KDM5A: variants seen among roughly 807,000 people sequenced by gnomAD.
The protein encoded by KDM5A is lysine-specific demethylase 5A.
In KDM5A, 42 loss-of-function variants were observed where a neutral mutation model predicts 193.5. That is an observed-to-expected ratio of 0.22 (90% CI 0.17 to 0.28). The LOEUF (loss-of-function observed/expected upper bound fraction) is 0.28, where lower values mean the gene tolerates loss of function less well. Ranked by LOEUF, KDM5A falls within the 10% of genes least tolerant of loss-of-function variation. The pLI is 1.00. For missense variants in KDM5A, 1,692 were observed against 2,055.1 expected, an observed-to-expected ratio of 0.82 and a Z score of 3.42; for synonymous variants, 796 against 718.1, an observed-to-expected ratio of 1.11 and a Z score of -1.73.
At chr12:374,635 T>C (rs1944477424) in intron 3 of KDM5A, among the ~76,000 whole-genome samples, 2 of 152,220 alleles carry the variant, frequency 1.3e-5, no homozygotes, top group South Asian at 2.1e-4. Context: ...GCTGATTATT[T>C]TGCTCGTTAG....
chr12:347,112 T>C (rs533211837), intron 10 of KDM5A, among the ~76,000 whole-genome samples: 28 of 152,014 alleles, frequency 1.8e-4, no homozygotes, highest in African/African-American at 6.7e-4. Flanking sequence ...AGCATTCTTA[T>C]ATATCATTAA....
intron 20 of KDM5A, among the ~76,000 whole-genome samples, chr12:312,401 A>C (rs1175832332): frequency 6.6e-6 from 1 of 152,196 alleles, no homozygotes; most frequent in Non-Finnish European, 1.5e-5. Context: ...TGTTAATTTC[A>C]TTTTATTTTT....
chr12:295,324 AAAAGAAAAAGAGAAAGAGAGAG>A (rs1943356095), intron 26 of KDM5A, among the ~76,000 whole-genome samples: 1 of 152,022 alleles, frequency 6.6e-6, no homozygotes, highest in Non-Finnish European at 1.5e-5. Flanking sequence ...AAAAGAAAGA[AAAAGAAAAAGAGAAAGAGAGAG>A]AAAGAAAGAG....
At chr12:354,980 G>A (rs750188758) in intron 7 of KDM5A, among the ~76,000 whole-genome samples, 178 bp downstream of exon 7, 9 of 152,140 alleles carry the variant, frequency 5.9e-5, no homozygotes, top group Non-Finnish European at 1.3e-4. Context: ...AGCAGCCTAC[G>A]TATGTAGGAC....
intron 3 of KDM5A, among the ~76,000 whole-genome samples, chr12:379,063 T>G (rs1944543549): frequency 6.6e-6 from 1 of 151,996 alleles, no homozygotes; most frequent in Non-Finnish European, 1.5e-5. Context: ...AAAGATGAAG[T>G]GATTTAATCA....
At chr12:362,649 A>G (rs1944306493) in intron 5 of KDM5A, among the ~76,000 whole-genome samples, 1 of 152,234 alleles carries the variant, frequency 6.6e-6, no homozygotes, top group African/African-American at 2.4e-5. Flanking sequence ...AACTTTCTAA[A>G]TCAAATTACG....
chr12:318,205 G>A lies in KDM5A; in HGVS notation c.2798C>T (p.Ala933Val), dbSNP rs1428104219. ...TGCTTTCTCCACAGCATGGTGGGGT[G>A]CCAACCCTACCCCAGAGTCTATCAG... is the stretch of plus-strand genomic sequence containing the variant. ...KKLIDSGVGL[A>V]PHHAVEKAMA... The change falls in exon 19 of 28, where the codon GCA (alanine) becomes GTA (valine). Residue 933 changes from alanine to valine, a missense_variant. Ala to Val is a moderately conservative substitution (Grantham distance 64, BLOSUM62 0). Around this residue, in one of 11 missense-constraint regions of KDM5A, gnomAD observed 965 missense variants for 1,061.0 expected, o/e 0.91. Coordinates refer to ENST00000399788, the MANE Select transcript of KDM5A (RefSeq NM_001042603.3). The A allele has an allele frequency of 6.2e-7, 1 of 1,613,930 alleles. No homozygotes were observed. Among genetic ancestry groups the A allele is most frequent in the Admixed American group, 1.7e-5 (1 of 60,018 alleles).
intron 10 of KDM5A, among the ~76,000 whole-genome samples, chr12:339,312 A>G (rs971320897): frequency 2.6e-5 from 4 of 152,208 alleles, no homozygotes; most frequent in African/African-American, 7.2e-5. Context: ...TACCAGAGTA[A>G]CTTTCAGAGA....
Position 285,153 on chromosome 12 carries a change from TTAATAC to T in KDM5A, c.*297_*302del. On this transcript the variant is annotated 3_prime_UTR_variant, in exon 28 of 28. Coordinates refer to ENST00000399788, the MANE Select transcript of KDM5A (RefSeq NM_001042603.3). Reference sequence around the variant, plus strand: ...TATGCCCTGTTAGCACACCAATGTATTAATACTAACCAGCCACCCTAGAGCTCAATT... The same window carrying T: ...TATGCCCTGTTAGCACACCAATGTATTAACCAGCCACCCTAGAGCTCAATT... 2.1e-6 allele frequency: 1 copy of T among 475,112 alleles called. No homozygotes were observed. The highest frequency in any genetic ancestry group is 3.6e-5 in the East Asian group (1 of 27,914). 29.4% of individuals were successfully genotyped at this position (475,112 alleles called of 1,614,324 possible). A position where few individuals can be genotyped will look rare whatever the true frequency, so the allele number is the denominator to read the frequency against.
At chr12:369,819 G>A (rs1944403734) in intron 3 of KDM5A, among the ~76,000 whole-genome samples, 1 of 152,122 alleles carries the variant, frequency 6.6e-6, no homozygotes, top group Non-Finnish European at 1.5e-5. Flanking sequence ...TAATCACTCT[G>A]ACATAATAAT....
At chr12:331,451 C>T (rs1943864919) in intron 13 of KDM5A, among the ~76,000 whole-genome samples, 2 of 152,080 alleles carry the variant, frequency 1.3e-5, no homozygotes, top group Non-Finnish European at 2.9e-5. Context: ...CAGTCTCTCT[C>T]TTCTGAGCAT....
intron 10 of KDM5A, among the ~76,000 whole-genome samples, chr12:345,108 G>C (rs935157884): frequency 6.6e-6 from 1 of 151,928 alleles, no homozygotes; most frequent in Admixed American, 6.6e-5. Flanking sequence ...AAAAAAGCAC[G>C]GGTTGCAATC....
At chr12:365,857 G>T (rs1489473227) in intron 4 of KDM5A, 77 bp downstream of exon 4, 1 of 1,471,340 alleles carries the variant, frequency 6.8e-7, no homozygotes, top group Non-Finnish European at 9.5e-7. Flanking sequence ...TGCTAACTTG[G>T]GTTAAACACA....
intron 1 of KDM5A, among the ~76,000 whole-genome samples, chr12:386,918 A>G (rs1944643894): frequency 6.6e-6 from 1 of 152,202 alleles, no homozygotes; most frequent in African/African-American, 2.4e-5. Context: ...CAAAAAAAAA[A>G]AACTTGTGTT....
At chr12:321,733 A>G (rs976565924) in intron 17 of KDM5A, among the ~76,000 whole-genome samples, 1 of 152,264 alleles carries the variant, frequency 6.6e-6, no homozygotes, top group African/African-American at 2.4e-5. Flanking sequence ...TTTAATACTT[A>G]TGAATTCTAT....
intron 27 of KDM5A, 82 bp downstream of exon 27, chr12:292,677 C>T (rs1356136330): frequency 9.7e-6 from 15 of 1,547,086 alleles, no homozygotes; most frequent in Middle Eastern, 1.7e-4. Context: ...CAAAAACATA[C>T]TACACATTGA....
intron 19 of KDM5A, among the ~76,000 whole-genome samples, chr12:313,751 A>G (rs1420810302): frequency 6.6e-6 from 1 of 152,238 alleles, no homozygotes; most frequent in Non-Finnish European, 1.5e-5. Flanking sequence ...TTATGCTTCT[A>G]CTGGGAACTA....
rs1389763568 is a variant in KDM5A at position 280,739 on chromosome 12, C to T, written c.*4717G>A. On this transcript the variant is annotated 3_prime_UTR_variant, in exon 28 of 28. Coordinates refer to ENST00000399788, the MANE Select transcript of KDM5A (RefSeq NM_001042603.3). ...TAATGGTTTGTTGCAAAGGGATAAA[C>T]TTCTCAAGAACCAAAAGTGAGGAAA... 8.6e-6 allele frequency: 2 copies of T among 232,912 alleles called. No individual in the cohort carries two copies. The highest frequency in any genetic ancestry group is 4.4e-5 in the African/African-American group (2 of 45,312). The allele number at this position is 232,912 out of a possible 1,614,324, so 14.4% of individuals were successfully genotyped here.
intron 19 of KDM5A, among the ~76,000 whole-genome samples, chr12:314,090 G>A (rs1310962364): frequency 6.6e-6 from 1 of 152,156 alleles, no homozygotes; most frequent in Non-Finnish European, 1.5e-5. Context: ...GCAATGGGAA[G>A]GTACTGAGGC....
Sources: allele counts gnomAD v4.1 joint callset (sites outside exome capture counted in the v4.1 genomes callset), GRCh38; gene constraint gnomAD v4.1.1; regional missense constraint gnomAD v4.1.1; transcripts MANE v1.5; gene names NCBI Gene and HGNC (gene_info 2026-07-23, HGNC 2026-07-21).